The following STAT5B variants were observed in gnomAD, a reference collection of about 807,000 sequenced individuals.
STAT5B encodes the protein signal transducer and activator of transcription 5B.
STAT5B carries 21 observed loss-of-function variants against 107.8 expected under a neutral mutation model. The ratio of observed to expected loss-of-function variants is 0.19; its 90% CI spans 0.14 to 0.28. The LOEUF (loss-of-function observed/expected upper bound fraction) is 0.28. STAT5B is among the 10% of genes least tolerant of loss of function. The pLI, the probability that STAT5B is intolerant of heterozygous loss-of-function variation, is 1.00. For missense variants in STAT5B, 565 were observed against 1,008.2 expected, an observed-to-expected ratio of 0.56 and a Z score of 5.95; for synonymous variants, 325 against 401.7, an observed-to-expected ratio of 0.81 and a Z score of 2.28.
the STAT5B span, among the ~76,000 whole-genome samples, chr17:42,283,114 A>C: frequency 1.8e-4 from 27 of 152,328 alleles, no homozygotes; most frequent in African/African-American, 6.0e-4. Flanking sequence ...CACAACCCCC[A>C]GAGGGCTTGA....
intron 2 of STAT5B, among the ~76,000 whole-genome samples, chr17:42,229,370 A>C (rs977663439): frequency 6.6e-6 from 1 of 150,836 alleles, no homozygotes; most frequent in Non-Finnish European, 1.5e-5. Flanking sequence ...GGCTGGTCTC[A>C]AACTCCTGAT....
At chr17:42,282,666 A>G in the STAT5B span, among the ~76,000 whole-genome samples, 3 of 152,186 alleles carry the variant, frequency 2.0e-5, no homozygotes, top group Non-Finnish European at 4.4e-5. Flanking sequence ...CAGAAATCCC[A>G]GCAGTGGGTC....
rs1238462910 is a variant in STAT5B at position 42,210,175 on chromosome 17, A to C, written c.1902T>G (p.Asp634Glu). The part of the protein sequence containing the change: ...IGGITIAWKF[D>E]SQERMFWNLM... ...TAAGAAGGGAGGGGCACTCACGAGAATCAAACTTCCAAGCAATGGTGATGC... is the reference window on the plus strand; with the variant it reads ...TAAGAAGGGAGGGGCACTCACGAGACTCAAACTTCCAAGCAATGGTGATGC... The change falls in exon 15 of 19, where the codon GAT becomes GAG. Residue 634 changes from aspartate to glutamate, a missense_variant. Transcript: ENST00000293328. The C allele has an allele frequency of 3.1e-6, 5 of 1,614,226 alleles. No individual in the cohort carries two copies. The highest frequency in any genetic ancestry group is 1.3e-5 in the African/African-American group (1 of 75,056).
the STAT5B span, among the ~76,000 whole-genome samples, chr17:42,287,337 C>CCCCA: frequency 6.6e-6 from 1 of 151,036 alleles, no homozygotes; most frequent in African/African-American, 2.5e-5. Flanking sequence ...TGCACCCCCC[C>CCCCA]CAACAGAACA....
chr17:42,278,255 C>T (rs2080780028), upstream of STAT5B, among the ~76,000 whole-genome samples: 3 of 152,188 alleles, frequency 2.0e-5, no homozygotes, highest in South Asian at 6.2e-4. Context: ...TTTCATGTTT[C>T]TGTCTCTGTC....
chr17:42,240,549 G>A (rs2080393391), intron 1 of STAT5B, among the ~76,000 whole-genome samples: 1 of 152,192 alleles, frequency 6.6e-6, no homozygotes, highest in East Asian at 1.9e-4. Flanking sequence ...TGATGAAAAT[G>A]TTCCGGAATT....
chr17:42,251,812 G>T (rs2080502062), intron 1 of STAT5B, among the ~76,000 whole-genome samples: 1 of 151,776 alleles, frequency 6.6e-6, no homozygotes, highest in African/African-American at 2.4e-5. Context: ...AGACTGGCCA[G>T]CATGGTGAAA....
chr17:42,233,083 C>A (rs949046817), intron 1 of STAT5B, among the ~76,000 whole-genome samples: 2 of 151,480 alleles, frequency 1.3e-5, no homozygotes, highest in African/African-American at 4.9e-5. Flanking sequence ...CTCAAGTGAT[C>A]CATCTCAGCT....
At chr17:42,285,971 G>A in the STAT5B span, among the ~76,000 whole-genome samples, 2 of 152,140 alleles carry the variant, frequency 1.3e-5, no homozygotes, top group East Asian at 1.9e-4. Flanking sequence ...TGTAATTCCA[G>A]CACTTTGGGA....
Position 42,227,678 on chromosome 17 carries a change from C to T in STAT5B, c.136G>A (p.Val46Ile), listed in dbSNP as rs2144282293. ...QWIESQAWDS[V>I]DLDNPQENIK... ...TTCTCCTGTGGATTATCAAGATCTA[C>T]TGAGTCCCTAGGGGAAAAAAATTAC... The change falls in exon 3 of 19, where the codon GTA (valine) becomes ATA (isoleucine). Residue 46 changes from valine (V) to isoleucine (I), a missense_variant. Around this residue, in one of 11 missense-constraint regions of STAT5B, gnomAD observed 83 missense variants for 145.1 expected, o/e 0.57. Transcript: ENST00000293328. 2 of 1,614,108 alleles carry T rather than the reference C, an allele frequency of 1.2e-6. No individual in the cohort carries two copies. The highest frequency in any genetic ancestry group is 1.7e-6 in the Non-Finnish European group (2 of 1,180,022).
chr17:42,273,498 T>A (rs1263135066), intron 1 of STAT5B, among the ~76,000 whole-genome samples: 1 of 152,184 alleles, frequency 6.6e-6, no homozygotes, highest in Non-Finnish European at 1.5e-5. Context: ...TCATACAAAC[T>A]AGGGTTATTT....
chr17:42,218,863 G>C lies in STAT5B; in HGVS notation c.849C>G (p.Ala283=), dbSNP rs771823136. ...DVLQSWCEKL[A]EIIWQNRQQI... is the part of the protein sequence containing the mutation. ...GCTGCCGGTTCTGCCAGATGATCTC[G>C]GCCAACTTCTCACACCTGCACGAGA... Residue 283 remains alanine (A), a synonymous_variant, in exon 8 of 19, where the codon GCC becomes GCG. Coordinates refer to ENST00000293328, the MANE Select transcript of STAT5B (RefSeq NM_012448.4). The C allele has an allele frequency of 6.2e-7, 1 of 1,613,606 alleles. No individual in the cohort carries two copies. The highest frequency in any genetic ancestry group is 1.3e-5 in the African/African-American group (1 of 74,864).
chr17:42,206,475 T>C (rs2080085801), intron 16 of STAT5B, among the ~76,000 whole-genome samples: 1 of 152,216 alleles, frequency 6.6e-6, no homozygotes, highest in Non-Finnish European at 1.5e-5. Flanking sequence ...ATGCAATGTA[T>C]AATACATATC....
At chr17:42,222,134 CTGTG>C (rs77133316) in intron 5 of STAT5B, among the ~76,000 whole-genome samples, 4 of 100,100 alleles carry the variant, frequency 4.0e-5, no homozygotes, top group East Asian at 3.0e-4. Flanking sequence ...GGTGTGTGTG[CTGTG>C]TGTGTGTGTG....
chr17:42,214,638 T>C (rs889854999), intron 12 of STAT5B: 3 of 985,204 alleles, frequency 3.0e-6, no homozygotes, highest in East Asian at 2.3e-4. Context: ...TCAAGGTTTG[T>C]TGGATATACT....
chr17:42,234,075 C>A (rs2080338704), intron 1 of STAT5B: 1 of 152,190 alleles, frequency 6.6e-6, no homozygotes. Flanking sequence ...TACTGATTTG[C>A]ACAATTCTTC....
At chr17:42,258,491 G>A (rs1598334450) in intron 1 of STAT5B, among the ~76,000 whole-genome samples, 1 of 152,048 alleles carries the variant, frequency 6.6e-6, no homozygotes, top group Non-Finnish European at 1.5e-5. Flanking sequence ...CCAGCCTGAC[G>A]AACATGGTGA....
chr17:42,266,096 A>G lies in STAT5B; in HGVS notation c.-11+10152T>C, dbSNP rs189393998. 3.9e-3 allele frequency among the ~76,000 whole-genome samples: 591 copies of G among 152,252 alleles called. 6 individuals are homozygous for G. Among genetic ancestry groups the G allele is most frequent in the African/African-American group, 0.014 (581 of 41,568 alleles). ...TAAATATTTATGTATACATATAAAA[A>G]GACATATGTGTATCTATAAGATGTA... is the stretch of plus-strand genomic sequence containing the variant. On this transcript the variant is annotated intron_variant, in intron 1 of 18. Coordinates refer to ENST00000293328, the MANE Select transcript of STAT5B (RefSeq NM_012448.4).
At chr17:42,222,680 A>AT (rs112956748) in intron 5 of STAT5B, among the ~76,000 whole-genome samples, 2,871 of 139,042 alleles carry the variant, frequency 0.021, 82 homozygotes, top group African/African-American at 0.063. Context: ...CCAGCTTAGA[A>AT]TTTTTTTTTT....
Sources: allele counts gnomAD v4.1 joint callset (sites outside exome capture counted in the v4.1 genomes callset), GRCh38; gene constraint gnomAD v4.1.1; regional missense constraint gnomAD v4.1.1; transcripts MANE v1.5; gene names NCBI Gene and HGNC (gene_info 2026-07-23, HGNC 2026-07-21).